Variants in CADPS observed in about 807,000 individuals in gnomAD.
CADPS encodes the protein calcium dependent secretion activator.
CADPS carries 57 observed loss-of-function variants against 167.3 expected under a neutral mutation model. The observed-to-expected ratio is 0.34, with a 90% CI of 0.28 to 0.42. The LOEUF (loss-of-function observed/expected upper bound fraction) is 0.42, where lower values mean the gene tolerates loss of function less well. Among genes scored for constraint, CADPS ranks in the 20% least tolerant of loss-of-function variants. The pLI is 1.00. For missense variants in CADPS, 1,414 were observed against 1,738.1 expected, an observed-to-expected ratio of 0.81 and a Z score of 3.32; for synonymous variants, 676 against 635.3, an observed-to-expected ratio of 1.06 and a Z score of -0.96.
At chr3:62,400,687 C>A (rs1290484978) in intron 29 of CADPS, among the ~76,000 whole-genome samples, 5 of 150,448 alleles carry the variant, frequency 3.3e-5, no homozygotes, top group Non-Finnish European at 7.4e-5. Flanking sequence ...GCAACCTCCA[C>A]CCCCTGGGTT....
intron 3 of CADPS, among the ~76,000 whole-genome samples, chr3:62,718,071 C>T (rs1224286728): frequency 6.6e-6 from 1 of 151,988 alleles, no homozygotes; most frequent in Non-Finnish European, 1.5e-5. Flanking sequence ...AAAGAAATCA[C>T]TCCTCCCTTT....
Position 62,696,637 on chromosome 3 carries a change from A to G in CADPS, c.889-34243T>C, listed in dbSNP as rs1354309822. On this transcript the variant is annotated intron_variant, in intron 3 of 29. Coordinates refer to ENST00000383710, the MANE Select transcript of CADPS (RefSeq NM_003716.4). Reference sequence around the variant, plus strand: ...GCTGCTGCCCGTCATTGCTGCCTATATGATATCTTAAAGTTATCCTTTTAC... The same window carrying G: ...GCTGCTGCCCGTCATTGCTGCCTATGTGATATCTTAAAGTTATCCTTTTAC... Among the ~76,000 whole-genome samples the G allele has an allele frequency of 2.6e-5, 4 of 152,206 alleles. No individual in the cohort carries two copies. In the East Asian group the frequency reaches 7.7e-4, roughly 29 times the overall value.
intron 8 of CADPS, among the ~76,000 whole-genome samples, chr3:62,577,735 G>T (rs2082570663): frequency 6.6e-6 from 1 of 152,292 alleles, no homozygotes; most frequent in African/African-American, 2.4e-5. Flanking sequence ...AAACACTGTT[G>T]TTATTTCTGC....
At position 62,860,156 on chromosome 3, in the gene CADPS, A is replaced by G. The variant is rs79031022; in HGVS notation, c.441+14433T>C. Among the ~76,000 whole-genome samples the G allele has an allele frequency of 5.1e-3, 776 of 152,274 alleles. 10 individuals carry two copies. The highest frequency in any genetic ancestry group is 0.018 in the African/African-American group (731 of 41,556). ...TGTCTTTGCTCATGCTGTCCCTAGCATATCTGTTTTCCTTCCTACCCAGGT... is the reference window on the plus strand; with the variant it reads ...TGTCTTTGCTCATGCTGTCCCTAGCGTATCTGTTTTCCTTCCTACCCAGGT... On this transcript the variant is annotated intron_variant, in intron 1 of 29. Coordinates refer to ENST00000383710, the MANE Select transcript of CADPS (RefSeq NM_003716.4).
intron 1 of CADPS, among the ~76,000 whole-genome samples, chr3:62,788,597 G>A (rs986486832): frequency 6.6e-6 from 1 of 152,160 alleles, no homozygotes; most frequent in Non-Finnish European, 1.5e-5. Context: ...TATTGTATGT[G>A]TACTTTAGTC....
intron 1 of CADPS, among the ~76,000 whole-genome samples, chr3:62,781,181 A>C (rs553620220): frequency 7.2e-4 from 110 of 152,250 alleles, no homozygotes; most frequent in Admixed American, 1.8e-3. Context: ...CATAACCAGG[A>C]GACTTGTCCT....
chr3:62,626,807 A>G (rs866761892), intron 6 of CADPS, among the ~76,000 whole-genome samples: 1 of 152,222 alleles, frequency 6.6e-6, no homozygotes, highest in African/African-American at 2.4e-5. Flanking sequence ...AAATAGATTT[A>G]AAGAAAAATA....
At chr3:62,587,481 C>A (rs944038511) in intron 7 of CADPS, among the ~76,000 whole-genome samples, 1 of 152,092 alleles carries the variant, frequency 6.6e-6, no homozygotes, top group Admixed American at 6.5e-5. Flanking sequence ...GCTGGTCTGG[C>A]CTGAGAGAGG....
intron 27 of CADPS, chr3:62,439,737 T>G (rs2055912195): frequency 6.6e-6 from 1 of 152,162 alleles, no homozygotes; most frequent in Admixed American, 6.5e-5. Flanking sequence ...CTTGTGGCAA[T>G]ATGGCCTTTT....
chr3:62,571,447 C>T (rs2081268414), intron 8 of CADPS, among the ~76,000 whole-genome samples: 1 of 152,046 alleles, frequency 6.6e-6, no homozygotes, highest in African/African-American at 2.4e-5. Flanking sequence ...TCCTCCTTCT[C>T]CAAAAGCTCT....
chr3:62,583,153 T>TTCTCTC (rs1562465022), intron 8 of CADPS, among the ~76,000 whole-genome samples: 64 of 64,038 alleles, frequency 1.0e-3, no homozygotes, highest in South Asian at 2.1e-3. Flanking sequence ...CCTACCCTCT[T>TTCTCTC]TGTCTCTCTC....
chr3:62,505,803 T>A (rs1171249806), intron 17 of CADPS, among the ~76,000 whole-genome samples: 1 of 152,206 alleles, frequency 6.6e-6, no homozygotes, highest in Non-Finnish European at 1.5e-5. Context: ...TCTATCTCCC[T>A]GTCTGCCAGG....
intron 11 of CADPS, among the ~76,000 whole-genome samples, chr3:62,545,944 C>T (rs938374562): frequency 1.3e-5 from 2 of 151,956 alleles, no homozygotes; most frequent in African/African-American, 4.8e-5. Flanking sequence ...ACTAATAAAG[C>T]GATTATAGAG....
intron 3 of CADPS, among the ~76,000 whole-genome samples, chr3:62,719,373 C>T (rs1309106822): frequency 1.3e-5 from 2 of 152,222 alleles, no homozygotes; most frequent in African/African-American, 4.8e-5. Context: ...CCTTTACATA[C>T]CATACTCAAG....
intron 27 of CADPS, among the ~76,000 whole-genome samples, chr3:62,442,914 A>G (rs1354667167): frequency 6.6e-6 from 1 of 152,210 alleles, no homozygotes; most frequent in Non-Finnish European, 1.5e-5. Flanking sequence ...AACAATGTAC[A>G]TATAGAATAT....
chr3:62,735,182 C>T (rs1361903456), intron 3 of CADPS, among the ~76,000 whole-genome samples: 1 of 151,886 alleles, frequency 6.6e-6, no homozygotes, highest in Non-Finnish European at 1.5e-5. Flanking sequence ...GAGCTACATG[C>T]ATAAATATAA....
chr3:62,774,320 A>G (rs896814999), intron 1 of CADPS, among the ~76,000 whole-genome samples: 2 of 151,776 alleles, frequency 1.3e-5, no homozygotes, highest in Non-Finnish European at 2.9e-5. Flanking sequence ...ACTTGGAGGC[A>G]CTCAGTTAAA....
intron 6 of CADPS, among the ~76,000 whole-genome samples, chr3:62,609,281 C>T (rs1341672778): frequency 1.3e-5 from 2 of 151,706 alleles, no homozygotes; most frequent in African/African-American, 4.8e-5. Context: ...CCTGCATCCT[C>T]CTCTCTCCTT....
In CADPS at chr3:62,655,850, C is replaced by A. The variant is rs1579754228; in HGVS notation, c.970-4770G>T. On this transcript the variant is annotated intron_variant, in intron 4 of 29. Transcript: ENST00000383710. ...TCATGTGTCAGGTTGGTATGGCTGT[C>A]ACTGGAGATGAGAAAACCAGCCGAG... Among the ~76,000 whole-genome samples the A allele has an allele frequency of 2.6e-5, 4 of 152,186 alleles. No individual in the cohort carries two copies. In the South Asian group the frequency reaches 8.3e-4, roughly 32 times the overall value.
Sources: allele counts gnomAD v4.1 joint callset (sites outside exome capture counted in the v4.1 genomes callset), GRCh38; gene constraint gnomAD v4.1.1; transcripts MANE v1.5; gene names NCBI Gene and HGNC (gene_info 2026-07-23, HGNC 2026-07-21).